FBXL7: variants seen among roughly 807,000 people sequenced by gnomAD.
The protein encoded by FBXL7 is F-box and leucine rich repeat protein 7.
FBXL7 carries 12 observed loss-of-function variants against 38.3 expected under a neutral mutation model. The ratio of observed to expected loss-of-function variants is 0.31; its 90% CI spans 0.20 to 0.51. The LOEUF (loss-of-function observed/expected upper bound fraction) is 0.51. Among genes scored for constraint, FBXL7 ranks in the 20% least tolerant of loss-of-function variants. The probability of loss-of-function intolerance (pLI) is 0.98; values close to 1 mark genes in which losing one functional copy is unlikely to be tolerated. For synonymous variants in FBXL7, 297 were observed against 300.9 expected (o/e 0.99, Z 0.13); for missense variants, 567 against 676.4 (o/e 0.84, Z 1.79).
chr5:15,568,391 T>C (rs956969049), intron 1 of FBXL7, among the ~76,000 whole-genome samples: 36 of 152,364 alleles, frequency 2.4e-4, no homozygotes, highest in African/African-American at 8.4e-4. Context: ...ATAAATGTCT[T>C]CTTTTGAGAA....
intron 1 of FBXL7, among the ~76,000 whole-genome samples, chr5:15,571,997 G>C (rs1418194378): frequency 1.3e-5 from 2 of 152,058 alleles, no homozygotes; most frequent in Admixed American, 1.3e-4. Flanking sequence ...TTTTCAAGCA[G>C]GTCTATTAAT....
intron 2 of FBXL7, among the ~76,000 whole-genome samples, chr5:15,801,433 T>G (rs1737560501): frequency 6.6e-6 from 1 of 152,126 alleles, no homozygotes; most frequent in Non-Finnish European, 1.5e-5. Flanking sequence ...ATAAAAAAAG[T>G]CATTGGGTCA....
intron 2 of FBXL7, among the ~76,000 whole-genome samples, chr5:15,645,031 T>C (rs1453643515): frequency 2.6e-5 from 4 of 152,206 alleles, no homozygotes; most frequent in African/African-American, 9.7e-5. Flanking sequence ...CTAAATGATA[T>C]ACAAGGCTAA....
chr5:15,544,597 C>T (rs1478799471), intron 1 of FBXL7, among the ~76,000 whole-genome samples: 1 of 152,078 alleles, frequency 6.6e-6, no homozygotes, highest in Non-Finnish European at 1.5e-5. Flanking sequence ...CCACACATGC[C>T]ACCAAATAGA....
intron 2 of FBXL7, among the ~76,000 whole-genome samples, chr5:15,808,484 C>T (rs745416831): frequency 7.9e-5 from 12 of 152,196 alleles, no homozygotes; most frequent in African/African-American, 1.9e-4. Context: ...CATCTTCAGG[C>T]GACACCATGG....
intron 2 of FBXL7, among the ~76,000 whole-genome samples, chr5:15,653,602 T>C (rs1741778512): frequency 6.6e-6 from 1 of 152,194 alleles, no homozygotes; most frequent in African/African-American, 2.4e-5. Context: ...TACCAGTTAT[T>C]TCATCCATCT....
At chr5:15,812,753 C>G (rs1443451995) in intron 2 of FBXL7, among the ~76,000 whole-genome samples, 1 of 152,150 alleles carries the variant, frequency 6.6e-6, no homozygotes. Context: ...TTGATTCTTC[C>G]TATCCATGAG....
chr5:15,732,945 A>G (rs373716459), intron 2 of FBXL7, among the ~76,000 whole-genome samples: 3 of 152,260 alleles, frequency 2.0e-5, no homozygotes, highest in East Asian at 1.9e-4. Context: ...ACATATTTAT[A>G]TATTTTATAA....
chr5:15,873,103 A>C (rs536027937), intron 2 of FBXL7, among the ~76,000 whole-genome samples: 5 of 152,328 alleles, frequency 3.3e-5, no homozygotes, highest in African/African-American at 9.6e-5. Flanking sequence ...AGTGCAATCA[A>C]ATTAGAACTC....
At chr5:15,704,641 C>A (rs1743626246) in intron 2 of FBXL7, among the ~76,000 whole-genome samples, 1 of 152,174 alleles carries the variant, frequency 6.6e-6, no homozygotes, top group Non-Finnish European at 1.5e-5. Context: ...CTGTTTCATT[C>A]TTTTGTTGGA....
intron 2 of FBXL7, among the ~76,000 whole-genome samples, chr5:15,844,435 G>A (rs1288826970): frequency 2.0e-5 from 3 of 152,126 alleles, no homozygotes; most frequent in East Asian, 1.9e-4. Context: ...AATCCTGCAC[G>A]GCAGCTCTTG....
chr5:15,592,389 G>A (rs888433741), intron 1 of FBXL7, among the ~76,000 whole-genome samples: 1 of 152,140 alleles, frequency 6.6e-6, no homozygotes, highest in Admixed American at 6.5e-5. Flanking sequence ...AAGTTCCTGC[G>A]CTCCAGTTCT....
intron 2 of FBXL7, among the ~76,000 whole-genome samples, chr5:15,727,093 A>T (rs1441113485): frequency 6.6e-6 from 1 of 152,208 alleles, no homozygotes; most frequent in Non-Finnish European, 1.5e-5. Flanking sequence ...TCAATAACAT[A>T]CGAAAACTCT....
At chr5:15,927,250 G>A (rs895482865) in intron 2 of FBXL7, among the ~76,000 whole-genome samples, 4 of 152,170 alleles carry the variant, frequency 2.6e-5, no homozygotes, top group African/African-American at 7.2e-5. Context: ...AGGGCTTGTC[G>A]TTGCAAGGGG....
chr5:15,759,098 C>T (rs1418611695), intron 2 of FBXL7, among the ~76,000 whole-genome samples: 1 of 152,136 alleles, frequency 6.6e-6, no homozygotes, highest in East Asian at 1.9e-4. Context: ...TACTATAAGC[C>T]ATTGATTAAC....
chr5:15,822,048 T>A (rs1738182907), intron 2 of FBXL7, among the ~76,000 whole-genome samples: 1 of 151,938 alleles, frequency 6.6e-6, no homozygotes, highest in Non-Finnish European at 1.5e-5. Flanking sequence ...CCAAATCATG[T>A]CCCCTAAAAC....
chr5:15,537,443 T>C (rs1156832022), intron 1 of FBXL7, among the ~76,000 whole-genome samples: 1 of 152,206 alleles, frequency 6.6e-6, no homozygotes, highest in African/African-American at 2.4e-5. Context: ...CCTTAAACCA[T>C]TCACTGCATA....
chr5:15,505,227 C>T (rs543959280), intron 1 of FBXL7, among the ~76,000 whole-genome samples: 18 of 152,252 alleles, frequency 1.2e-4, no homozygotes, highest in African/African-American at 3.1e-4. Flanking sequence ...TGCCATGCAG[C>T]GACCCACTTC....
rs71605509 is a variant in FBXL7 at position 15,801,634 on chromosome 5, A to AGTGTGTGTGTGTGT, written c.128-126246_128-126233dup. Among the ~76,000 whole-genome samples, 1,007 of 147,762 alleles carry AGTGTGTGTGTGTGT rather than the reference A, an allele frequency of 6.8e-3. 11 individuals carry two copies. Among genetic ancestry groups the AGTGTGTGTGTGTGT allele is most frequent in the African/African-American group, 0.024 (950 of 39,576 alleles). ...ATAGATATTCATTGAAGGGGGAGTC[A>AGTGTGTGTGTGTGT]GTGTGTGTGTGTGTGTGTGTGTGCG... On this transcript the variant is annotated intron_variant, in intron 2 of 3. Coordinates refer to ENST00000504595, the MANE Select transcript of FBXL7 (RefSeq NM_012304.5).
Sources: gnomAD v4.1 joint callset for allele counts (sites outside exome capture counted in the v4.1 genomes callset) on GRCh38, gnomAD v4.1.1 for gene constraint, MANE v1.5 for transcripts, NCBI Gene and HGNC (gene_info 2026-07-23, HGNC 2026-07-21) for gene names.